The following SRPRB variants were observed in gnomAD, a reference collection of about 807,000 sequenced individuals.
SRPRB encodes the protein SRP receptor subunit beta.
SRPRB carries 20 observed loss-of-function variants against 31.9 expected under a neutral mutation model. The ratio of observed to expected loss-of-function variants is 0.63; its 90% CI spans 0.44 to 0.91. The LOEUF (loss-of-function observed/expected upper bound fraction) is 0.91. Among genes scored for constraint, SRPRB ranks in the 40% least tolerant of loss-of-function variants. SRPRB has a pLI of 0.00. For synonymous variants in SRPRB, 146 were observed against 132.8 expected (o/e 1.10, Z -0.68); for missense variants, 321 against 324.9 (o/e 0.99, Z 0.09).
intron 1 of SRPRB, chr3:133,794,330 A>G (rs1934914745): frequency 6.6e-6 from 1 of 152,240 alleles, no homozygotes; most frequent in Non-Finnish European, 1.5e-5. Context: ...TTCCTGGGAA[A>G]ACAATCAAAG....
At chr3:133,807,005 T>TC (rs1340316388) in intron 2 of SRPRB, among the ~76,000 whole-genome samples, 1 of 152,206 alleles carries the variant, frequency 6.6e-6, no homozygotes, top group African/African-American at 2.4e-5. Context: ...GAAGCTAGTG[T>TC]CCTACAGTTT....
At chr3:133,788,631 GA>G (rs1316335561) in intron 1 of SRPRB, 3 of 138,192 alleles carry the variant, frequency 2.2e-5, no homozygotes, top group Non-Finnish European at 3.3e-5. Context: ...CCATACAGGG[GA>G]ATCTCTCCCT....
intron 3 of SRPRB, among the ~76,000 whole-genome samples, chr3:133,808,836 G>A (rs1576382348): frequency 1.4e-5 from 2 of 146,464 alleles, no homozygotes; most frequent in Admixed American, 6.9e-5. Context: ...GTGGCAGTGA[G>A]CCAAGATTGC....
At chr3:133,827,565 C>T, downstream of SRPRB, 1 of 292,312 alleles carries the variant, frequency 3.4e-6, no homozygotes, top group Non-Finnish European at 6.4e-6. Flanking sequence ...GAACCACATC[C>T]TCAGGTGACC....
chr3:133,814,394 G>A (rs1935329826), intron 4 of SRPRB, among the ~76,000 whole-genome samples: 1 of 151,886 alleles, frequency 6.6e-6, no homozygotes, highest in Admixed American at 6.6e-5. Context: ...GCTTCCCAAA[G>A]TGCTGGGATT....
At chr3:133,810,984 G>C (rs901020922) in intron 3 of SRPRB, 133 bp from the exon 4 acceptor site, 1 of 815,378 alleles carries the variant, frequency 1.2e-6, no homozygotes, top group African/African-American at 1.7e-5. Flanking sequence ...AGTGTTTTAT[G>C]AGTAGAAGAT....
At chr3:133,808,400 A>T (rs1935200651) in intron 3 of SRPRB, among the ~76,000 whole-genome samples, 1 of 151,764 alleles carries the variant, frequency 6.6e-6, no homozygotes, top group African/African-American at 2.4e-5. Context: ...TTATTGTCCT[A>T]CATTTGTATA....
chr3:133,799,792 A>G (rs1348691058), intron 1 of SRPRB, among the ~76,000 whole-genome samples: 1 of 152,244 alleles, frequency 6.6e-6, no homozygotes, highest in Non-Finnish European at 1.5e-5. Flanking sequence ...TGTGTTTAAC[A>G]GACAAAAAGT....
At chr3:133,800,619 A>G (rs906529765) in intron 1 of SRPRB, among the ~76,000 whole-genome samples, 1 of 152,252 alleles carries the variant, frequency 6.6e-6, no homozygotes, top group African/African-American at 2.4e-5. Context: ...TGGTGCCTCT[A>G]TTCAGATGTA....
chr3:133,814,357 T>G (rs1228949196), intron 4 of SRPRB, among the ~76,000 whole-genome samples: 1 of 152,134 alleles, frequency 6.6e-6, no homozygotes. Flanking sequence ...GGTCTCGATC[T>G]CCTGACCTCG....
chr3:133,811,811 T>C (rs1666417957), intron 4 of SRPRB, among the ~76,000 whole-genome samples: 1 of 152,292 alleles, frequency 6.6e-6, no homozygotes, highest in African/African-American at 2.4e-5. Flanking sequence ...CTCGAACTCC[T>C]GACCTCATGA....
chr3:133,806,012 G>C lies in SRPRB; in HGVS notation c.154+10G>C. 1 of 1,611,352 alleles carries C rather than the reference G, an allele frequency of 6.2e-7. No homozygotes were observed. The highest frequency in any genetic ancestry group is 8.5e-7 in the Non-Finnish European group (1 of 1,178,372). ...GTGCTGCTGACGCTAGGTAAAAGGC[G>C]GCCGGTGGTCATGGCGGGTTTGGGG... On this transcript the variant is annotated intron_variant, in intron 1 of 6. Coordinates refer to ENST00000678299, the MANE Select transcript of SRPRB (RefSeq NM_001379313.1).
At chr3:133,814,392 A>G (rs1035151394) in intron 4 of SRPRB, among the ~76,000 whole-genome samples, 2 of 151,410 alleles carry the variant, frequency 1.3e-5, no homozygotes, top group African/African-American at 2.4e-5. Context: ...CGGCTTCCCA[A>G]AGTGCTGGGA....
intron 4 of SRPRB, among the ~76,000 whole-genome samples, chr3:133,815,103 G>A (rs1442307508): frequency 6.6e-6 from 1 of 152,112 alleles, no homozygotes; most frequent in African/African-American, 2.4e-5. Flanking sequence ...CAAAATGCTT[G>A]GAACCAGAAG....
At chr3:133,807,197 C>T (rs1156335125) in intron 2 of SRPRB, among the ~76,000 whole-genome samples, 11 of 149,770 alleles carry the variant, frequency 7.3e-5, no homozygotes, top group Non-Finnish European at 1.5e-4. Context: ...TGCTTTTTAA[C>T]TCTTCTTTTT....
At chr3:133,791,016 G>A (rs1934818045) in intron 1 of SRPRB, 1 of 151,962 alleles carries the variant, frequency 6.6e-6, no homozygotes, top group Non-Finnish European at 1.5e-5. Flanking sequence ...ATTCTCCTCT[G>A]GCTTTGCTTG....
rs1935164288 is a variant in SRPRB, at chr3:133,806,554, C to T, written c.155-55C>T. Reference sequence around the variant, plus strand: ...TGAATTTCCCCACCCCAGCCATGCACATATACTGATTCCCAAGGCGTAATT... The same window carrying T: ...TGAATTTCCCCACCCCAGCCATGCATATATACTGATTCCCAAGGCGTAATT... On this transcript the variant is annotated intron_variant, in intron 1 of 6. Coordinates refer to ENST00000678299, the MANE Select transcript of SRPRB (RefSeq NM_001379313.1). 3.6e-6 allele frequency: 5 copies of T among 1,390,560 alleles called. No homozygotes were observed. In the Admixed American group the frequency reaches 8.4e-5, roughly 23 times the overall value. 86.1% of individuals were successfully genotyped at this position (1,390,560 alleles called of 1,614,324 possible).
At chr3:133,807,249 A>ATTT (rs60049102) in intron 2 of SRPRB, among the ~76,000 whole-genome samples, 12 of 114,620 alleles carry the variant, frequency 1.0e-4, no homozygotes, top group Non-Finnish European at 1.4e-4. Context: ...AAATACCTCC[A>ATTT]TTTTTTTTTT....
Position 133,821,213 on chromosome 3 carries a change from C to T in SRPRB, c.*1447C>T, listed in dbSNP as rs747355815. 1.3e-5 allele frequency: 2 copies of T among 152,154 alleles called. No individual in the cohort carries two copies. The highest frequency in any genetic ancestry group is 3.9e-4 in the East Asian group (2 of 5,188). The allele number at this position is 152,154 out of a possible 1,614,324, so 9.4% of individuals were successfully genotyped here. On this transcript the variant is annotated 3_prime_UTR_variant, in exon 7 of 7. Coordinates refer to ENST00000678299, the MANE Select transcript of SRPRB (RefSeq NM_001379313.1). ...GACCATCTGGCAGAAATACTCCAGG[C>T]TCCTACCCCAAAGCACATGTCAGCC...
Sources: allele counts gnomAD v4.1 joint callset (sites outside exome capture counted in the v4.1 genomes callset), GRCh38; gene constraint gnomAD v4.1.1; transcripts MANE v1.5; gene names NCBI Gene and HGNC (gene_info 2026-07-23, HGNC 2026-07-21).